The following ADCY8 variants were observed in gnomAD, a reference collection of about 807,000 sequenced individuals.
The protein encoded by ADCY8 is adenylate cyclase type 8.
A neutral mutation model predicts 119.7 loss-of-function variants in ADCY8; 51 were observed. The observed-to-expected ratio is 0.43, with a 90% CI of 0.34 to 0.54. The LOEUF (loss-of-function observed/expected upper bound fraction) is 0.54, where lower values mean the gene tolerates loss of function less well. Among genes scored for constraint, ADCY8 ranks in the 20% least tolerant of loss-of-function variants. The pLI is 0.03. For synonymous variants in ADCY8, 665 were observed against 651.0 expected (o/e 1.02, Z -0.33); for missense variants, 1,383 against 1,598.8 (o/e 0.87, Z 2.30).
intron 14 of ADCY8, among the ~76,000 whole-genome samples, chr8:130,803,788 T>A (rs1815857293): frequency 1.3e-5 from 2 of 152,190 alleles, no homozygotes; most frequent in South Asian, 4.1e-4. Flanking sequence ...TGAGTGTGCC[T>A]CCTCCACATG....
intron 1 of ADCY8, among the ~76,000 whole-genome samples, chr8:130,998,957 C>G (rs550034347): frequency 9.9e-5 from 15 of 152,228 alleles, no homozygotes; most frequent in Admixed American, 7.8e-4. Flanking sequence ...AGGAAGCTCC[C>G]AAGTCGATCT....
intron 15 of ADCY8, among the ~76,000 whole-genome samples, chr8:130,787,342 T>C (rs1815278754): frequency 6.6e-6 from 1 of 152,134 alleles, no homozygotes; most frequent in Non-Finnish European, 1.5e-5. Context: ...AAAGATTATA[T>C]TGGTGGTGAT....
intron 9 of ADCY8, among the ~76,000 whole-genome samples, chr8:130,850,043 C>T (rs773488286): frequency 1.3e-5 from 2 of 152,066 alleles, no homozygotes; most frequent in Non-Finnish European, 2.9e-5. Context: ...ATTGCTCCTG[C>T]CCATTTTTTC....
intron 10 of ADCY8, among the ~76,000 whole-genome samples, chr8:130,848,631 A>G (rs1563690832): frequency 6.6e-6 from 1 of 151,904 alleles, no homozygotes; most frequent in Non-Finnish European, 1.5e-5. Context: ...ACACTTGGGG[A>G]CCCTCCCTCA....
At chr8:130,791,946 C>T (rs1300036421) in intron 15 of ADCY8, among the ~76,000 whole-genome samples, 1 of 152,246 alleles carries the variant, frequency 6.6e-6, no homozygotes, top group African/African-American at 2.4e-5. Flanking sequence ...ACATCACTTT[C>T]CTTTCTACTT....
chr8:130,973,740 C>G (rs550992522), intron 2 of ADCY8, among the ~76,000 whole-genome samples: 1 of 152,200 alleles, frequency 6.6e-6, no homozygotes, highest in Admixed American at 6.5e-5. Flanking sequence ...GGAGGGCTAA[C>G]GGCTTCTGAG....
chr8:130,863,098 T>C (rs1588369), intron 9 of ADCY8, among the ~76,000 whole-genome samples: 68,168 of 151,982 alleles, frequency 0.45, 15,524 homozygotes, highest in African/African-American at 0.52. Context: ...AGTGGGTTTA[T>C]TTATTTTTCT....
At chr8:130,831,811 TC>T (rs1816843444) in intron 12 of ADCY8, among the ~76,000 whole-genome samples, 1 of 152,154 alleles carries the variant, frequency 6.6e-6, no homozygotes, top group African/African-American at 2.4e-5. Context: ...TTAGAGGACA[TC>T]AGTCCAGAGA....
intron 11 of ADCY8, among the ~76,000 whole-genome samples, chr8:130,844,922 C>T (rs1456003803): frequency 2.0e-5 from 3 of 152,152 alleles, no homozygotes; most frequent in African/African-American, 4.8e-5. Context: ...CACAGTGGTT[C>T]GGGTATGTAC....
At chr8:130,973,190 G>A (rs1293652300) in intron 2 of ADCY8, among the ~76,000 whole-genome samples, 2 of 152,200 alleles carry the variant, frequency 1.3e-5, no homozygotes, top group African/African-American at 4.8e-5. Context: ...AGAGTTTTGG[G>A]AAGGGAGTCA....
At chr8:130,927,735 T>A (rs1324418399) in intron 5 of ADCY8, among the ~76,000 whole-genome samples, 1 of 152,158 alleles carries the variant, frequency 6.6e-6, no homozygotes, top group African/African-American at 2.4e-5. Context: ...TATAAAATCA[T>A]GTCATCTGCA....
At chr8:130,992,382 C>CATACATAT (rs1822608948) in intron 1 of ADCY8, among the ~76,000 whole-genome samples, 1 of 78,054 alleles carries the variant, frequency 1.3e-5, no homozygotes, top group Non-Finnish European at 2.7e-5. Flanking sequence ...CTGTATCTGG[C>CATACATAT]ATATATATAT....
chr8:130,890,204 G>T (rs1276820337), intron 7 of ADCY8, among the ~76,000 whole-genome samples: 1 of 143,742 alleles, frequency 7.0e-6, no homozygotes, highest in African/African-American at 2.5e-5. Flanking sequence ...CCTGTTGTGG[G>T]GTCAGGGGAG....
intron 3 of ADCY8, among the ~76,000 whole-genome samples, chr8:130,944,604 A>G (rs183516584): frequency 6.6e-6 from 1 of 152,338 alleles, no homozygotes; most frequent in Admixed American, 6.5e-5. Context: ...CATCTCCTTT[A>G]CAAACCCTTT....
intron 12 of ADCY8, among the ~76,000 whole-genome samples, chr8:130,821,936 G>A (rs1816523430): frequency 6.6e-6 from 1 of 152,182 alleles, no homozygotes; most frequent in African/African-American, 2.4e-5. Flanking sequence ...TGGGACAAGA[G>A]TCAAATCTGT....
intron 1 of ADCY8, among the ~76,000 whole-genome samples, chr8:131,014,070 C>G (rs1823393529): frequency 6.6e-6 from 1 of 152,162 alleles, no homozygotes; most frequent in Non-Finnish European, 1.5e-5. Context: ...TATTATTTTA[C>G]AAGCTGAGAC....
At chr8:130,801,277 G>A (rs1337974906) in intron 14 of ADCY8, among the ~76,000 whole-genome samples, 1 of 151,822 alleles carries the variant, frequency 6.6e-6, no homozygotes, top group African/African-American at 2.4e-5. Flanking sequence ...TCTCTCAGTG[G>A]ATGATCTTAC....
intron 1 of ADCY8, among the ~76,000 whole-genome samples, chr8:130,992,040 A>G (rs924432648): frequency 6.6e-6 from 1 of 150,478 alleles, no homozygotes; most frequent in Non-Finnish European, 1.5e-5. Context: ...TGAAAAAATT[A>G]CTAATAATTA....
intron 5 of ADCY8, among the ~76,000 whole-genome samples, chr8:130,928,931 A>G (rs1323211589): frequency 1.3e-5 from 2 of 152,048 alleles, no homozygotes; most frequent in Admixed American, 6.5e-5. Flanking sequence ...CTTTTTTTAG[A>G]TGAGAGACTT....
Sources: allele counts gnomAD v4.1 joint callset (sites outside exome capture counted in the v4.1 genomes callset), GRCh38; gene constraint gnomAD v4.1.1; transcripts MANE v1.5; gene names NCBI Gene and HGNC (gene_info 2026-07-23, HGNC 2026-07-21).